Variants in DPYD observed in about 807,000 individuals in gnomAD.
DPYD encodes dihydropyrimidine dehydrogenase [NADP(+)].
Under a neutral mutation model 116.2 loss-of-function variants are expected in DPYD, and 109 were observed. That is an observed-to-expected ratio of 0.94 (90% CI 0.80 to 1.10). The LOEUF is 1.10. DPYD is among the 50% of genes least tolerant of loss of function. DPYD has a pLI of 0.00. For missense variants in DPYD, 1,302 were observed against 1,254.5 expected, an observed-to-expected ratio of 1.04 and a Z score of -0.57; for synonymous variants, 440 against 432.0, an observed-to-expected ratio of 1.02 and a Z score of -0.23.
chr1:97,469,414 AAAAAAAAAAAAAAAG>A (rs1316877120), intron 13 of DPYD, among the ~76,000 whole-genome samples: 1 of 149,884 alleles, frequency 6.7e-6, no homozygotes, highest in Non-Finnish European at 1.5e-5. Context: ...AAAAAAAAAA[AAAAAAAAAAAAAAAG>A]ACAAATAAAT....
intron 3 of DPYD, among the ~76,000 whole-genome samples, chr1:97,812,244 G>A (rs1668379916): frequency 6.6e-6 from 1 of 152,114 alleles, no homozygotes; most frequent in African/African-American, 2.4e-5. Context: ...GGAATTGAGG[G>A]CTGTTCATTC....
chr1:97,687,551 T>C (rs896562015), intron 7 of DPYD, among the ~76,000 whole-genome samples: 1 of 152,186 alleles, frequency 6.6e-6, no homozygotes, highest in Admixed American at 6.5e-5. Context: ...AGTTCAACCA[T>C]GTGGAAAACA....
At chr1:97,546,252 A>G (rs1286410349) in intron 12 of DPYD, 1 of 1,501,396 alleles carries the variant, frequency 6.7e-7, no homozygotes, top group Non-Finnish European at 9.1e-7. Flanking sequence ...GAAAACTGCT[A>G]AATCAAAAAA....
intron 3 of DPYD, among the ~76,000 whole-genome samples, chr1:97,781,334 T>C (rs903833082): frequency 3.9e-5 from 6 of 152,234 alleles, no homozygotes; most frequent in Admixed American, 6.5e-5. Context: ...ATTAGACATA[T>C]GTAGTTATCT....
At chr1:97,543,497 T>C (rs1252487329) in intron 12 of DPYD, among the ~76,000 whole-genome samples, 1 of 152,180 alleles carries the variant, frequency 6.6e-6, no homozygotes, top group African/African-American at 2.4e-5. Flanking sequence ...ATTGCATGCA[T>C]TAATACTATA....
At chr1:97,569,497 C>T (rs780878914) in intron 11 of DPYD, among the ~76,000 whole-genome samples, 4 of 149,016 alleles carry the variant, frequency 2.7e-5, no homozygotes, top group Non-Finnish European at 4.5e-5. Flanking sequence ...TTTAAATAAA[C>T]GTTTAGAACT....
At chr1:97,561,613 T>C (rs1302948769) in intron 11 of DPYD, among the ~76,000 whole-genome samples, 3 of 152,200 alleles carry the variant, frequency 2.0e-5, no homozygotes, top group African/African-American at 7.2e-5. Context: ...AGCAAACATA[T>C]TTAATCTACG....
intron 10 of DPYD, among the ~76,000 whole-genome samples, chr1:97,579,478 T>C (rs1322064237): frequency 6.6e-6 from 1 of 152,184 alleles, no homozygotes; most frequent in Admixed American, 6.5e-5. Context: ...GCAAATGGTG[T>C]TCCTCATCAG....
chr1:97,691,869 A>T, intron 6 of DPYD, 71 bp from the exon 7 acceptor site: 1 of 1,215,482 alleles, frequency 8.2e-7, no homozygotes, highest in Non-Finnish European at 1.2e-6. Flanking sequence ...TCTTAAAAAA[A>T]GGTAACATGT....
rs76430515 is a variant in DPYD, at chr1:97,588,404, G to A, written c.1128+4814C>T. Among the ~76,000 whole-genome samples the A allele has an allele frequency of 8.0e-3, 1,221 of 151,890 alleles. 14 individuals are homozygous for A. The highest frequency in any genetic ancestry group is 0.013 in the Non-Finnish European group (902 of 67,928). Reference sequence around the variant, plus strand: ...GTAAATTTGAAACCATCCTCTTCTCGGTAATAATTAATAAGAAATATAAAG... The same window carrying A: ...GTAAATTTGAAACCATCCTCTTCTCAGTAATAATTAATAAGAAATATAAAG... On this transcript the variant is annotated intron_variant, in intron 10 of 22. Transcript: ENST00000370192.
intron 14 of DPYD, among the ~76,000 whole-genome samples, chr1:97,440,014 G>T (rs994510078): frequency 6.6e-6 from 1 of 151,626 alleles, no homozygotes; most frequent in Non-Finnish European, 1.5e-5. Context: ...GGTGGCTCAC[G>T]CCTGTAATCC....
At chr1:97,706,693 T>G (rs1401102532) in intron 5 of DPYD, among the ~76,000 whole-genome samples, 1 of 152,226 alleles carries the variant, frequency 6.6e-6, no homozygotes, top group South Asian at 2.1e-4. Context: ...CATGGCTTGA[T>G]AGCTCCTCTC....
intron 8 of DPYD, among the ~76,000 whole-genome samples, chr1:97,657,299 A>C (rs2100857797): frequency 6.6e-6 from 1 of 152,200 alleles, no homozygotes; most frequent in East Asian, 1.9e-4. Context: ...CTGTTCAATT[A>C]GCCTGCCAGT....
In DPYD at chr1:97,368,761, C is replaced by A. The variant is rs557515437; in HGVS notation, c.2058+4800G>T. ...CAGAAAGATATATACTGGTCAAATT[C>A]ATGTTTGAGAATGAGCACATATTCT... On this transcript the variant is annotated intron_variant, in intron 16 of 22. Coordinates refer to ENST00000370192, the MANE Select transcript of DPYD (RefSeq NM_000110.4). Among the ~76,000 whole-genome samples, 8 of 152,276 alleles carry A rather than the reference C, an allele frequency of 5.3e-5. No individual in the cohort carries two copies. The East Asian group carries it at 1.5e-3, about 29-fold the overall frequency.
chr1:97,662,025 C>T (rs1276257099), intron 8 of DPYD, among the ~76,000 whole-genome samples: 1 of 128,532 alleles, frequency 7.8e-6, no homozygotes, highest in Non-Finnish European at 1.6e-5. Flanking sequence ...TACGGAGTCT[C>T]GCTCCGTCGC....
chr1:97,152,470 A>T lies in DPYD; in HGVS notation c.2622+40599T>A, dbSNP rs572917943. 6.4e-4 allele frequency among the ~76,000 whole-genome samples: 97 copies of T among 150,880 alleles called. 3 individuals are homozygous for T. In the South Asian group the frequency reaches 0.018, roughly 27 times the overall value. ...CACACACACACACACACACACACAC[A>T]CTTACATAAACACATTGAATATATA... is the stretch of plus-strand genomic sequence containing the variant. On this transcript the variant is annotated intron_variant, in intron 20 of 22. Transcript: ENST00000370192.
At chr1:97,507,057 C>T (rs558462200) in intron 13 of DPYD, among the ~76,000 whole-genome samples, 6 of 152,086 alleles carry the variant, frequency 3.9e-5, no homozygotes, top group South Asian at 4.1e-4. Flanking sequence ...ATGAGGGTTA[C>T]GTCATAGAAG....
intron 1 of DPYD, among the ~76,000 whole-genome samples, chr1:97,914,384 G>C (rs1674116969): frequency 6.6e-6 from 1 of 152,138 alleles, no homozygotes; most frequent in Non-Finnish European, 1.5e-5. Flanking sequence ...GTTTACTCCA[G>C]TTAGCACATG....
At chr1:97,180,115 A>G (rs1322315849) in intron 20 of DPYD, among the ~76,000 whole-genome samples, 1 of 151,444 alleles carries the variant, frequency 6.6e-6, no homozygotes, top group Non-Finnish European at 1.5e-5. Context: ...GTTTTGTTTG[A>G]CTTTTTTTTT....
Sources: allele counts gnomAD v4.1 joint callset (sites outside exome capture counted in the v4.1 genomes callset), GRCh38; gene constraint gnomAD v4.1.1; transcripts MANE v1.5; gene names NCBI Gene and HGNC (gene_info 2026-07-23, HGNC 2026-07-21).